Variants in DEPDC5 observed in about 807,000 individuals in gnomAD.
DEPDC5 encodes the protein GATOR1 complex protein DEPDC5.
A neutral mutation model predicts 217.3 loss-of-function variants in DEPDC5; 73 were observed. The observed-to-expected ratio is 0.34, with a 90% CI of 0.28 to 0.41. The LOEUF (loss-of-function observed/expected upper bound fraction) is 0.41, where lower values mean the gene tolerates loss of function less well. DEPDC5 is among the 10% of genes least tolerant of loss of function. The pLI is 1.00. For missense variants in DEPDC5, 1,675 were observed against 2,070.1 expected (o/e 0.81, Z 3.70); for synonymous variants, 733 against 756.7 (o/e 0.97, Z 0.51).
intron 31 of DEPDC5, among the ~76,000 whole-genome samples, chr22:31,851,085 A>T (rs1271600209): frequency 7.0e-6 from 1 of 142,464 alleles, no homozygotes; most frequent in East Asian, 2.1e-4. Context: ...AAAAAAAAAA[A>T]TCCAGTTTTA....
At chr22:31,856,232 G>GACACACAC (rs58670229) in intron 31 of DEPDC5, among the ~76,000 whole-genome samples, 1 of 143,654 alleles carries the variant, frequency 7.0e-6, no homozygotes, top group Non-Finnish European at 1.5e-5. Flanking sequence ...CATTGCCTAT[G>GACACACAC]ACACACACAC....
chr22:31,835,389 C>T (rs1257194045), intron 25 of DEPDC5, among the ~76,000 whole-genome samples: 1 of 152,116 alleles, frequency 6.6e-6, no homozygotes, highest in African/African-American at 2.4e-5. Context: ...CCAGAAGATA[C>T]TGGGGTTAGA....
chr22:31,894,163 AAAGT>A (rs1186814280), intron 39 of DEPDC5: 1 of 153,674 alleles, frequency 6.5e-6, no homozygotes, highest in Non-Finnish European at 1.4e-5. Flanking sequence ...TTTAGAGTGA[AAAGT>A]AAGTCTGTTT....
In DEPDC5 at chr22:31,861,350, C is replaced by A. The variant is rs1338829272; in HGVS notation, c.3265-18C>A. 4 of 1,551,170 alleles carry A rather than the reference C, an allele frequency of 2.6e-6. No homozygotes were observed. The East Asian group carries it at 7.3e-5, about 28-fold the overall frequency. ...TCCTTGCAACTGCTGCTGCTGCTTCCTCCTCCTGTGACTTCAGGACGGGGC... is the reference window on the plus strand; with the variant it reads ...TCCTTGCAACTGCTGCTGCTGCTTCATCCTCCTGTGACTTCAGGACGGGGC... On this transcript the variant is annotated intron_variant, in intron 32 of 42. Coordinates refer to ENST00000651528, the MANE Select transcript of DEPDC5 (RefSeq NM_001242896.3).
At position 31,874,343 on chromosome 22, in the gene DEPDC5, C is replaced by T; in HGVS notation, c.3634C>T (p.His1212Tyr). 2.5e-6 allele frequency: 4 copies of T among 1,611,496 alleles called. No individual in the cohort carries two copies. Among genetic ancestry groups the T allele is most frequent in the East Asian group, 4.5e-5 (2 of 44,784 alleles). The change falls in exon 36 of 43, where the codon CAC (histidine) becomes TAC (tyrosine). Residue 1212 changes from histidine to tyrosine, a missense_variant. Around this residue, in one of 11 missense-constraint regions of DEPDC5, gnomAD observed 194 missense variants for 199.3 expected, o/e 0.97. Transcript: ENST00000651528. ...PYCFISAEVV[H>Y]WLVNHVEGIQ... Reference sequence around the variant, plus strand: ...CTGCTTCATCAGCGCGGAGGTGGTACACTGGTTGGTGAACCACGTGGAGGG... The same window carrying T: ...CTGCTTCATCAGCGCGGAGGTGGTATACTGGTTGGTGAACCACGTGGAGGG...
intron 10 of DEPDC5, among the ~76,000 whole-genome samples, chr22:31,789,102 G>A (rs1001723081): frequency 2.6e-5 from 4 of 151,786 alleles, no homozygotes; most frequent in Admixed American, 6.6e-5. Flanking sequence ...TCACCATGTT[G>A]GCCAGGCTGG....
chr22:31,870,614 C>T lies in DEPDC5; in HGVS notation c.3355C>T (p.Pro1119Ser), dbSNP rs761075003. The change falls in exon 34 of 43, where the codon CCT becomes TCT. Residue 1119 changes from proline to serine, a missense_variant. Physicochemically the swap from Pro to Ser is moderately conservative, Grantham distance 74 (BLOSUM62 -1). Transcript: ENST00000651528. The part of the protein sequence containing the change: ...PQVSVDQTAT[P>S]MLDGTSLGIC... ...GGTATCTGTGGACCAAACAGCCACT[C>T]CTATGTTGGACGGCACCAGTTTGGG... 5 of 1,567,926 alleles carry T rather than the reference C, an allele frequency of 3.2e-6. No individual in the cohort carries two copies. The highest frequency in any genetic ancestry group is 4.3e-6 in the Non-Finnish European group (5 of 1,160,762).
At chr22:31,764,853 G>A (rs2082681273) in intron 4 of DEPDC5, 122 bp from the exon 5 acceptor site, 3 of 676,668 alleles carry the variant, frequency 4.4e-6, no homozygotes, top group Admixed American at 4.6e-5. Context: ...GGAAGAGACT[G>A]TGTGTTGCCC....
chr22:31,900,495 T>C (rs750965162), intron 40 of DEPDC5, among the ~76,000 whole-genome samples: 1 of 151,886 alleles, frequency 6.6e-6, no homozygotes, highest in Non-Finnish European at 1.5e-5. Context: ...TCCCAGCACT[T>C]TGGGAGGCCG....
chr22:31,777,905 G>T, intron 7 of DEPDC5, 194 bp from the exon 8 acceptor site: 1 of 570,646 alleles, frequency 1.8e-6, no homozygotes, highest in Non-Finnish European at 3.1e-6. Context: ...GTGTCACCAT[G>T]CCCGGCTAAA....
At chr22:31,804,463 A>G (rs1444962145) in intron 16 of DEPDC5, among the ~76,000 whole-genome samples, 2 of 152,108 alleles carry the variant, frequency 1.3e-5, no homozygotes, top group East Asian at 3.9e-4. Context: ...TTTTGAGACG[A>G]TGTCTTGTTC....
chr22:31,829,793 A>G (rs916505839), intron 24 of DEPDC5, among the ~76,000 whole-genome samples: 4 of 152,162 alleles, frequency 2.6e-5, no homozygotes, highest in Admixed American at 2.0e-4. Context: ...CCTGCTGCCC[A>G]GCAGAGACAG....
chr22:31,767,515 G>A (rs985410385), intron 6 of DEPDC5, among the ~76,000 whole-genome samples: 1 of 152,002 alleles, frequency 6.6e-6, no homozygotes, highest in African/African-American at 2.4e-5. Context: ...GGTTGGTCTC[G>A]AACTCCAGAC....
chr22:31,815,829 C>T, intron 21 of DEPDC5: 1 of 1,189,594 alleles, frequency 8.4e-7, no homozygotes, highest in Non-Finnish European at 1.0e-6. Flanking sequence ...GTTACCGCAC[C>T]CTGCCTCTAT....
At chr22:31,859,283 A>G (rs561279437) in intron 32 of DEPDC5, among the ~76,000 whole-genome samples, 1 of 150,072 alleles carries the variant, frequency 6.7e-6, no homozygotes, top group South Asian at 2.1e-4. Context: ...AGTAGAAACA[A>G]GGTTTCACTG....
chr22:31,783,316 A>G (rs1791614715), intron 8 of DEPDC5, among the ~76,000 whole-genome samples: 1 of 152,048 alleles, frequency 6.6e-6, no homozygotes, highest in African/African-American at 2.4e-5. Flanking sequence ...TTGGTGAGCA[A>G]AGGTGGTCCG....
At chr22:31,848,254 G>A (rs5998141) in intron 31 of DEPDC5, among the ~76,000 whole-genome samples, 52,538 of 151,984 alleles carry the variant, frequency 0.35, 10,415 homozygotes, top group African/African-American at 0.55. Context: ...CGGTGGATCT[G>A]CCATTCTGGG....
chr22:31,789,064 T>G (rs1410381621), intron 10 of DEPDC5, among the ~76,000 whole-genome samples: 1 of 151,850 alleles, frequency 6.6e-6, no homozygotes, highest in Non-Finnish European at 1.5e-5. Context: ...ACCCTGCTAA[T>G]TTTTGTATTT....
chr22:31,866,729 G>A (rs2092699804), intron 33 of DEPDC5, among the ~76,000 whole-genome samples: 2 of 152,142 alleles, frequency 1.3e-5, no homozygotes, highest in Admixed American at 6.5e-5. Flanking sequence ...GAGGAGTCCT[G>A]GCCAGGTGTC....
Sources: allele counts gnomAD v4.1 joint callset (sites outside exome capture counted in the v4.1 genomes callset), GRCh38; gene constraint gnomAD v4.1.1; regional missense constraint gnomAD v4.1.1; transcripts MANE v1.5; gene names NCBI Gene and HGNC (gene_info 2026-07-23, HGNC 2026-07-21).